DNAH11: variants seen among roughly 807,000 people sequenced by gnomAD.
DNAH11 encodes the protein axonemal beta dynein heavy chain 11.
Under a neutral mutation model 526.0 loss-of-function variants are expected in DNAH11, and 442 were observed. The ratio of observed to expected loss-of-function variants is 0.84; its 90% CI spans 0.78 to 0.91. DNAH11 has a LOEUF of 0.91. DNAH11 is among the 40% of genes least tolerant of loss of function. DNAH11 has a pLI of 0.00. For synonymous variants in DNAH11, 2,461 were observed against 1,935.9 expected (o/e 1.27, Z -7.12); for missense variants, 6,989 against 5,448.7 (o/e 1.28, Z -8.90).
At chr7:21,617,891 C>CT (rs1414130396) in intron 23 of DNAH11, 114 bp downstream of exon 23, 35 of 1,142,378 alleles carry the variant, frequency 3.1e-5, no homozygotes, top group Non-Finnish European at 4.2e-5. Context: ...TCAGCATAGC[C>CT]TCTACTTGCT....
intron 32 of DNAH11, among the ~76,000 whole-genome samples, chr7:21,686,183 A>G (rs771510874): frequency 1.3e-5 from 2 of 152,212 alleles, no homozygotes; most frequent in Non-Finnish European, 2.9e-5. Flanking sequence ...TAAGGCATTT[A>G]CCTTTGGCCT....
intron 8 of DNAH11, among the ~76,000 whole-genome samples, chr7:21,581,409 G>A (rs1784302884): frequency 6.6e-6 from 1 of 152,184 alleles, no homozygotes; most frequent in African/African-American, 2.4e-5. Flanking sequence ...TTTCTTACCA[G>A]TGGATTTCAG....
intron 25 of DNAH11, among the ~76,000 whole-genome samples, chr7:21,624,713 G>A (rs1786249337): frequency 2.0e-5 from 3 of 152,090 alleles, no homozygotes; most frequent in African/African-American, 7.2e-5. Context: ...TTGTGCTGAA[G>A]TACATTCTTT....
intron 69 of DNAH11, among the ~76,000 whole-genome samples, chr7:21,862,797 G>C (rs1379702492): frequency 6.6e-6 from 1 of 152,016 alleles, no homozygotes; most frequent in Non-Finnish European, 1.5e-5. Flanking sequence ...AGCGTTCATG[G>C]CCGGGCACGG....
chr7:21,861,923 C>G lies in DNAH11; in HGVS notation c.11273C>G (p.Ser3758Cys), dbSNP rs1356585030. ...GTGGAAGACATGCAGGGACGCATCT[C>G]TATCCTGATGGAGAGCATCACCCAT... The part of the protein sequence containing the change: ...DKVEDMQGRI[S>C]ILMESITHAV... The change falls in exon 69 of 82, where the codon TCT becomes TGT. Residue 3758 changes from serine to cysteine, a missense_variant. Physicochemically the swap from Ser to Cys is moderately radical, Grantham distance 112. Coordinates refer to ENST00000409508, the MANE Select transcript of DNAH11 (RefSeq NM_001277115.2). 1 of 1,613,704 alleles carries G rather than the reference C, an allele frequency of 6.2e-7. No homozygotes were observed. The highest frequency in any genetic ancestry group is 1.3e-5 in the African/African-American group (1 of 75,004).
intron 79 of DNAH11, among the ~76,000 whole-genome samples, chr7:21,896,994 G>C (rs1784538645): frequency 6.6e-6 from 1 of 152,074 alleles, no homozygotes; most frequent in Non-Finnish European, 1.5e-5. Context: ...AGGATTGCTT[G>C]AGCCCAAGAG....
chr7:21,552,328 T>C (rs1017928756), intron 2 of DNAH11, among the ~76,000 whole-genome samples: 1 of 152,212 alleles, frequency 6.6e-6, no homozygotes, highest in African/African-American at 2.4e-5. Flanking sequence ...ATGAGTTAAT[T>C]TATTACATAC....
intron 54 of DNAH11, among the ~76,000 whole-genome samples, chr7:21,765,180 T>G (rs1411040512): frequency 6.6e-6 from 1 of 151,948 alleles, no homozygotes; most frequent in East Asian, 1.9e-4. Context: ...CAAAAATGTT[T>G]AAGCAAAGAG....
At chr7:21,707,573 C>T (rs1458231870) in intron 39 of DNAH11, 126 bp from the exon 40 acceptor site, 31 of 1,204,080 alleles carry the variant, frequency 2.6e-5, no homozygotes, top group African/African-American at 2.5e-4. Context: ...TTCCCCTTCT[C>T]GATCTTAGCA....
chr7:21,631,349 A>G (rs1402605508), intron 25 of DNAH11, among the ~76,000 whole-genome samples: 3 of 152,138 alleles, frequency 2.0e-5, no homozygotes, highest in Non-Finnish European at 4.4e-5. Context: ...TCACATTTCA[A>G]AACCAATCAT....
intron 62 of DNAH11, among the ~76,000 whole-genome samples, chr7:21,804,448 T>G (rs1305535144): frequency 2.6e-5 from 4 of 152,148 alleles, no homozygotes; most frequent in African/African-American, 4.8e-5. Context: ...TACCACAAAT[T>G]TAACTAATTC....
chr7:21,817,664 G>T (rs1382186241), intron 64 of DNAH11, among the ~76,000 whole-genome samples: 1 of 151,886 alleles, frequency 6.6e-6, no homozygotes, highest in Non-Finnish European at 1.5e-5. Context: ...CTGCACTCCA[G>T]CCTGGACAAC....
chr7:21,699,503 A>C (rs1783978677), intron 36 of DNAH11, among the ~76,000 whole-genome samples: 1 of 152,178 alleles, frequency 6.6e-6, no homozygotes, highest in African/African-American at 2.4e-5. Context: ...TTGCAACCAC[A>C]CAGTTACCTT....
intron 5 of DNAH11, among the ~76,000 whole-genome samples, chr7:21,562,857 CACAG>C (rs1293138220): frequency 6.6e-6 from 1 of 152,130 alleles, no homozygotes; most frequent in Non-Finnish European, 1.5e-5. Flanking sequence ...GAACTGGTTA[CACAG>C]ACAGATTAAT....
At chr7:21,665,356 G>A (rs960807621) in intron 30 of DNAH11, among the ~76,000 whole-genome samples, 2 of 151,976 alleles carry the variant, frequency 1.3e-5, no homozygotes, top group Non-Finnish European at 2.9e-5. Context: ...TTTGGTTATC[G>A]TTAATAATAC....
rs183390276 is a variant in DNAH11 at position 21,703,996 on chromosome 7, A to T, written c.6274-438A>T. On this transcript the variant is annotated intron_variant, in intron 37 of 81. Coordinates refer to ENST00000409508, the MANE Select transcript of DNAH11 (RefSeq NM_001277115.2). ...TGACGTTTGAGTTACTGCTTTTAAA[A>T]TCTTTAGCTTACAGCCAAGATAGAA... 2.6e-3 allele frequency among the ~76,000 whole-genome samples: 396 copies of T among 152,320 alleles called. 4 individuals are homozygous for T. The highest frequency in any genetic ancestry group is 0.025 in the South Asian group (122 of 4,826).
chr7:21,844,145 G>A (rs552573286), intron 66 of DNAH11, among the ~76,000 whole-genome samples: 1 of 152,304 alleles, frequency 6.6e-6, no homozygotes, highest in East Asian at 1.9e-4. Context: ...GCCAAACACA[G>A]TGGCTCATAC....
intron 73 of DNAH11, among the ~76,000 whole-genome samples, chr7:21,871,314 G>A (rs541369339): frequency 4.1e-4 from 63 of 152,264 alleles, no homozygotes; most frequent in African/African-American, 1.2e-3. Flanking sequence ...AAGACATATA[G>A]ATTGTCTAAA....
chr7:21,622,329 G>C (rs1360829992), intron 25 of DNAH11, among the ~76,000 whole-genome samples: 3 of 152,192 alleles, frequency 2.0e-5, no homozygotes, highest in Middle Eastern at 3.4e-3. Flanking sequence ...AGGATACAAA[G>C]AAATGGAAGA....
Sources: allele counts gnomAD v4.1 joint callset (sites outside exome capture counted in the v4.1 genomes callset), GRCh38; gene constraint gnomAD v4.1.1; transcripts MANE v1.5; gene names NCBI Gene and HGNC (gene_info 2026-07-23, HGNC 2026-07-21).